AFG1L: variants seen among roughly 807,000 people sequenced by gnomAD.
AFG1L encodes AFG1 like ATPase.
A neutral mutation model predicts 62.2 loss-of-function variants in AFG1L; 53 were observed. The observed-to-expected ratio is 0.85, with a 90% CI of 0.68 to 1.07. The LOEUF (loss-of-function observed/expected upper bound fraction) is 1.07. AFG1L is among the 50% of genes least tolerant of loss of function. AFG1L has a pLI of 0.00. For synonymous variants in AFG1L, 228 were observed against 210.3 expected (o/e 1.08, Z -0.73); for missense variants, 555 against 590.5 (o/e 0.94, Z 0.62).
At chr6:108,387,108 TA>T (rs1204731969) in intron 6 of AFG1L, among the ~76,000 whole-genome samples, 2 of 152,230 alleles carry the variant, frequency 1.3e-5, no homozygotes, top group African/African-American at 4.8e-5. Context: ...AAGACACAGA[TA>T]GATCAAAAGC....
At chr6:108,323,261 G>A (rs1777885463) in intron 1 of AFG1L, among the ~76,000 whole-genome samples, 1 of 152,192 alleles carries the variant, frequency 6.6e-6, no homozygotes, top group African/African-American at 2.4e-5. Context: ...AGCAGAAGCT[G>A]TAGTAGGAAT....
chr6:108,485,658 T>TATATATATA (rs1562190010), intron 10 of AFG1L, among the ~76,000 whole-genome samples: 11 of 13,120 alleles, frequency 8.4e-4, no homozygotes, highest in South Asian at 6.1e-3. Flanking sequence ...ATATATATAT[T>TATATATATA]TTTTTTTTTT....
chr6:108,407,741 G>C (rs1781922372), intron 7 of AFG1L, among the ~76,000 whole-genome samples: 1 of 150,406 alleles, frequency 6.6e-6, no homozygotes, highest in Admixed American at 6.6e-5. Flanking sequence ...ACCATCTGTT[G>C]TTCTTCAGGT....
intron 7 of AFG1L, among the ~76,000 whole-genome samples, chr6:108,416,020 C>T (rs1354305195): frequency 6.6e-6 from 1 of 152,192 alleles, no homozygotes; most frequent in Non-Finnish European, 1.5e-5. Context: ...GCAATCTACT[C>T]ATCTGACAAA....
chr6:108,303,720 A>T (rs891171152), intron 1 of AFG1L, among the ~76,000 whole-genome samples: 2 of 152,114 alleles, frequency 1.3e-5, no homozygotes, highest in Non-Finnish European at 2.9e-5. Flanking sequence ...TCGTTCCTCC[A>T]TTTCTTCATA....
chr6:108,477,066 AT>A, intron 9 of AFG1L, 125 bp from the exon 10 acceptor site: 1 of 1,003,874 alleles, frequency 1.0e-6, no homozygotes. Context: ...TTGTATCAGC[AT>A]TTTGTCTAAT....
intron 8 of AFG1L, among the ~76,000 whole-genome samples, chr6:108,464,120 A>C (rs1456095724): frequency 1.3e-5 from 2 of 152,208 alleles, no homozygotes; most frequent in Non-Finnish European, 2.9e-5. Flanking sequence ...TACCTTAACA[A>C]GCTGTTGATT....
intron 3 of AFG1L, among the ~76,000 whole-genome samples, chr6:108,350,051 G>C (rs182524027): frequency 6.6e-6 from 1 of 151,648 alleles, no homozygotes; most frequent in South Asian, 2.1e-4. Context: ...GTGAAACCCC[G>C]CCTCTACTAA....
At chr6:108,373,620 C>A (rs1439904426) in intron 6 of AFG1L, among the ~76,000 whole-genome samples, 7 of 145,440 alleles carry the variant, frequency 4.8e-5, no homozygotes, top group African/African-American at 1.8e-4. Context: ...TGGAGTCTAG[C>A]TTTGTTACTC....
At chr6:108,348,726 T>C (rs1778964233) in intron 3 of AFG1L, among the ~76,000 whole-genome samples, 1 of 152,238 alleles carries the variant, frequency 6.6e-6, no homozygotes, top group African/African-American at 2.4e-5. Flanking sequence ...GCACCATTAA[T>C]GATTCTCATC....
chr6:108,317,806 C>G (rs1777662116), intron 1 of AFG1L, among the ~76,000 whole-genome samples: 1 of 151,980 alleles, frequency 6.6e-6, no homozygotes, highest in African/African-American at 2.4e-5. Flanking sequence ...TGGCCTGTGC[C>G]CAGGAATGAT....
In AFG1L at chr6:108,515,156, C is replaced by T. The variant is rs1395699502; in HGVS notation, c.1204-4541C>T. 2.0e-5 allele frequency among the ~76,000 whole-genome samples: 3 copies of T among 152,340 alleles called. No homozygotes were observed. The South Asian group carries it at 6.2e-4, about 32-fold the overall frequency. ...CTCTGCACCAAGCGGACCTAATAGA[C>T]ATCTACAGAACTCTCCACCCCAGAT... On this transcript the variant is annotated intron_variant, in intron 11 of 12. Coordinates refer to ENST00000368977, the MANE Select transcript of AFG1L (RefSeq NM_145315.5).
chr6:108,484,258 C>T (rs191152819), intron 10 of AFG1L, among the ~76,000 whole-genome samples: 1 of 152,218 alleles, frequency 6.6e-6, no homozygotes, highest in Non-Finnish European at 1.5e-5. Context: ...TCATTTCCCA[C>T]ATTTCCTGAT....
chr6:108,363,174 C>T (rs1303298084), intron 5 of AFG1L, among the ~76,000 whole-genome samples: 1 of 152,128 alleles, frequency 6.6e-6, no homozygotes, highest in Non-Finnish European at 1.5e-5. Context: ...ATTACACTTG[C>T]AGAATGCTCT....
intron 6 of AFG1L, among the ~76,000 whole-genome samples, chr6:108,373,622 T>TC (rs1250525743): frequency 2.6e-5 from 4 of 151,524 alleles, no homozygotes; most frequent in Non-Finnish European, 5.9e-5. Flanking sequence ...GAGTCTAGCT[T>TC]TGTTACTCAG....
intron 8 of AFG1L, among the ~76,000 whole-genome samples, chr6:108,450,618 T>C (rs1031345713): frequency 6.6e-6 from 1 of 152,222 alleles, no homozygotes; most frequent in Admixed American, 6.5e-5. Flanking sequence ...ATCCCATTTG[T>C]CAATTTTGGC....
rs571096872 is a variant in AFG1L, at chr6:108,504,076, A to C, written c.1063-6136A>C. 4.2e-4 allele frequency among the ~76,000 whole-genome samples: 64 copies of C among 152,360 alleles called. No homozygotes were observed. The South Asian group carries it at 0.012, about 29-fold the overall frequency. The stretch of plus-strand genomic sequence containing the variant: ...CTGATCTTCTATCTAGACCACTCAG[A>C]CTTTCTCCAAATCAACAATAATGCT... On this transcript the variant is annotated intron_variant, in intron 10 of 12. Transcript: ENST00000368977.
At chr6:108,438,631 A>G (rs1301524566) in intron 7 of AFG1L, among the ~76,000 whole-genome samples, 1 of 152,042 alleles carries the variant, frequency 6.6e-6, no homozygotes, top group Non-Finnish European at 1.5e-5. Flanking sequence ...TGCCCTGTAG[A>G]TGGATATTAT....
chr6:108,446,332 C>T (rs17290763), intron 7 of AFG1L, among the ~76,000 whole-genome samples: 10 of 151,968 alleles, frequency 6.6e-5, no homozygotes, highest in South Asian at 2.1e-4. Flanking sequence ...AGCAGGAAAG[C>T]GCACTGAAAT....
Sources: allele counts gnomAD v4.1 joint callset (sites outside exome capture counted in the v4.1 genomes callset), GRCh38; gene constraint gnomAD v4.1.1; transcripts MANE v1.5; gene names NCBI Gene and HGNC (gene_info 2026-07-23, HGNC 2026-07-21).